Variants in DOK7 observed in about 807,000 individuals in gnomAD.
DOK7 encodes docking protein 7.
A neutral mutation model predicts 30.7 loss-of-function variants in DOK7; 32 were observed. The ratio of observed to expected loss-of-function variants is 1.04; its 90% CI spans 0.79 to 1.40. The LOEUF is 1.40. Ranked by LOEUF, DOK7 falls within the 40% of genes most tolerant of loss-of-function variation. The pLI, the probability that DOK7 is intolerant of heterozygous loss-of-function variation, is 0.00. For missense variants in DOK7, 1,007 were observed against 699.2 expected (o/e 1.44, Z -4.97); for synonymous variants, 447 against 324.1 (o/e 1.38, Z -4.07).
intron 2 of DOK7, among the ~76,000 whole-genome samples, chr4:3,465,293 C>T (rs1726205157): frequency 6.6e-6 from 1 of 152,212 alleles, no homozygotes; most frequent in Admixed American, 6.5e-5. Context: ...GGCCCTGATG[C>T]CTCTTCCCCT....
intron 6 of DOK7, among the ~76,000 whole-genome samples, chr4:3,499,843 C>T (rs370967821): frequency 1.3e-4 from 20 of 150,934 alleles, no homozygotes; most frequent in Admixed American, 4.6e-4. Context: ...TGTGCTGGCC[C>T]GGGAGGGTTA....
At chr4:3,483,584 C>T (rs1427937865) in intron 4 of DOK7, among the ~76,000 whole-genome samples, 1 of 152,198 alleles carries the variant, frequency 6.6e-6, no homozygotes, top group Admixed American at 6.5e-5. Context: ...TTGACCGTGT[C>T]TTCGGGGTGA....
At chr4:3,499,313 T>C (rs535920916), downstream of DOK7, among the ~76,000 whole-genome samples, 4 of 152,166 alleles carry the variant, frequency 2.6e-5, no homozygotes, top group Admixed American at 2.6e-4. Flanking sequence ...GGGGCTTGGC[T>C]GTGTCTCCCA....
At chr4:3,479,620 C>T in intron 4 of DOK7, among the ~76,000 whole-genome samples, 1 of 152,214 alleles carries the variant, frequency 6.6e-6, no homozygotes. Context: ...GCCAGCTCTG[C>T]AGAGAGCAGA....
intron 2 of DOK7, among the ~76,000 whole-genome samples, chr4:3,466,152 C>T (rs950277643): frequency 1.3e-5 from 2 of 150,066 alleles, no homozygotes; most frequent in African/African-American, 5.0e-5. Context: ...GGGATCTGGC[C>T]CAAGACATGG....
Position 3,463,407 on chromosome 4 carries a change from T to C in DOK7, c.32T>C (p.Val11Ala), listed in dbSNP as rs375168516. The change falls in exon 1 of 7, where the codon GTC becomes GCC. Residue 11 changes from valine to alanine, a missense_variant. Physicochemically the swap from Val to Ala is moderately conservative, Grantham distance 64. Transcript: ENST00000340083. MTEAALVEGQVKLRDGKKWKS... is the reference protein window; with the variant it reads MTEAALVEGQAKLRDGKKWKS... ...GAGGCGGCGCTGGTGGAGGGCCAGG[T>C]CAAGCTGCGGGACGGCAAGAAGGTC... is the stretch of plus-strand genomic sequence containing the variant. 4.2e-5 allele frequency: 58 copies of C among 1,370,228 alleles called. No individual in the cohort carries two copies. The African/African-American group carries it at 7.8e-4, about 18-fold the overall frequency. The allele number at this position is 1,370,228 out of a possible 1,614,324, so 84.9% of individuals were successfully genotyped here.
At position 3,489,733 on chromosome 4, in the gene DOK7, G is replaced by A; in HGVS notation, c.709G>A (p.Glu237Lys). ...VEERVAQEALETLQLEKRLSL... is the reference protein window; with the variant it reads ...VEERVAQEALKTLQLEKRLSL... ...GGAGCGTGTGGCCCAGGAAGCCCTGGAAACCCTACAGCTGGAGAAGCGGCT... is the reference window on the plus strand; with the variant it reads ...GGAGCGTGTGGCCCAGGAAGCCCTGAAAACCCTACAGCTGGAGAAGCGGCT... Residue 237 changes from glutamate to lysine, a missense_variant, in exon 6 of 7, where the codon GAA becomes AAA. Coordinates refer to ENST00000340083, the MANE Select transcript of DOK7 (RefSeq NM_173660.5). The A allele has an allele frequency of 3.2e-6, 5 of 1,568,218 alleles. No homozygotes were observed. Among genetic ancestry groups the A allele is most frequent in the Non-Finnish European group, 4.3e-6 (5 of 1,156,544 alleles).
intron 2 of DOK7, among the ~76,000 whole-genome samples, chr4:3,471,901 G>A (rs1307279738): frequency 6.6e-6 from 1 of 152,250 alleles, no homozygotes; most frequent in African/African-American, 2.4e-5. Flanking sequence ...CCTCCAATGG[G>A]AAGTGAACGC....
chr4:3,486,722 A>G (rs1048311606), intron 5 of DOK7, among the ~76,000 whole-genome samples: 1 of 151,608 alleles, frequency 6.6e-6, no homozygotes, highest in African/African-American at 2.4e-5. Context: ...CTTCCTGCCT[A>G]GTGGATGCAC....
At position 3,492,974 on chromosome 4, in the gene DOK7, G is replaced by C. The variant is rs777293497; in HGVS notation, c.988G>C (p.Val330Leu). 1 of 1,553,838 alleles carries C rather than the reference G, an allele frequency of 6.4e-7. No individual in the cohort carries two copies. The highest frequency in any genetic ancestry group is 1.2e-5 in the South Asian group (1 of 85,424). ...GCTGCGTCCGCGGCAGCTGCAGGAG[G>C]TTGGCCGCCAGAGCTCCTCGGACAG... ...KPLRPRQLQE[V>L]GRQSSSDSGI... Residue 330 changes from valine (V) to leucine (L), a missense_variant, in exon 7 of 7, where the codon GTT becomes CTT. Val to Leu is a conservative substitution (Grantham distance 32, BLOSUM62 1). Coordinates refer to ENST00000340083, the MANE Select transcript of DOK7 (RefSeq NM_173660.5).
chr4:3,499,058 TGA>T (rs1200500331), downstream of DOK7, among the ~76,000 whole-genome samples: 1 of 151,914 alleles, frequency 6.6e-6, no homozygotes, highest in African/African-American at 2.4e-5. Context: ...GGGACAAGGG[TGA>T]GAGGAGCCAG....
At chr4:3,468,519 A>ACTGTGCGTGTAT (rs1560205354) in intron 2 of DOK7, among the ~76,000 whole-genome samples, 31 of 94,142 alleles carry the variant, frequency 3.3e-4, no homozygotes, top group Non-Finnish European at 6.0e-4. Flanking sequence ...TGCGTGTATG[A>ACTGTGCGTGTAT]GTGTGTGTGA....
exon 8 of DOK7, chr4:3,500,848 C>G (rs575211161): frequency 6.6e-7 from 1 of 1,518,730 alleles, no homozygotes; most frequent in South Asian, 1.2e-5. Context: ...AGGAGCTGAC[C>G]GCAAACCCGG....
chr4:3,500,496 G>A, intron 7 of DOK7: 1 of 1,497,618 alleles, frequency 6.7e-7, no homozygotes, highest in Non-Finnish European at 8.9e-7. Flanking sequence ...AGCAGCCCTT[G>A]GCCAGGGAGC....
chr4:3,468,350 TTGTC>T (rs1434461264), intron 2 of DOK7, among the ~76,000 whole-genome samples: 8 of 150,684 alleles, frequency 5.3e-5, no homozygotes, highest in African/African-American at 1.2e-4. Flanking sequence ...GCTCAAATGC[TTGTC>T]TGTGTGCGTG....
rs1441442600 is a variant in DOK7 at position 3,463,354 on chromosome 4, C to T, written c.-22C>T. ...GGCTGGGGCGCCGGGGCGAGCGCGGCGGCGCGGAACCATGACAGAAGATGA... is the reference window on the plus strand; with the variant it reads ...GGCTGGGGCGCCGGGGCGAGCGCGGTGGCGCGGAACCATGACAGAAGATGA... On this transcript the variant is annotated 5_prime_UTR_variant, in exon 1 of 7. Coordinates refer to ENST00000340083, the MANE Select transcript of DOK7 (RefSeq NM_173660.5). 5 of 1,445,042 alleles carry T rather than the reference C, an allele frequency of 3.5e-6. No homozygotes were observed. In the African/African-American group the frequency reaches 4.5e-5, roughly 13 times the overall value. 89.5% of individuals were successfully genotyped at this position (1,445,042 alleles called of 1,614,324 possible).
At chr4:3,492,004 G>A (rs1000530912) in intron 6 of DOK7, among the ~76,000 whole-genome samples, 1 of 152,236 alleles carries the variant, frequency 6.6e-6, no homozygotes, top group African/African-American at 2.4e-5. Flanking sequence ...CCTGCCCCAG[G>A]AGGAGGGGAC....
intron 2 of DOK7, among the ~76,000 whole-genome samples, chr4:3,466,807 C>T (rs1726314378): frequency 6.6e-6 from 1 of 152,216 alleles, no homozygotes; most frequent in African/African-American, 2.4e-5. Context: ...TCGTCCTGGG[C>T]TGCCCTTGGT....
At chr4:3,498,380 C>T (rs1026868446), downstream of DOK7, among the ~76,000 whole-genome samples, 1 of 151,690 alleles carries the variant, frequency 6.6e-6, no homozygotes, top group African/African-American at 2.4e-5. Flanking sequence ...AACATTCGTC[C>T]CCTTTCCCTG....
Sources: gnomAD v4.1 joint callset for allele counts (sites outside exome capture counted in the v4.1 genomes callset) on GRCh38, gnomAD v4.1.1 for gene constraint, MANE v1.5 for transcripts, NCBI Gene and HGNC (gene_info 2026-07-23, HGNC 2026-07-21) for gene names.